Variants in CDC27 observed in about 807,000 individuals in gnomAD.
The protein encoded by CDC27 is cell division cycle 27.
A neutral mutation model predicts 109.7 loss-of-function variants in CDC27; 27 were observed. The observed-to-expected ratio is 0.25, with a 90% CI of 0.18 to 0.34. CDC27 has a LOEUF of 0.34. Among genes scored for constraint, CDC27 ranks in the 10% least tolerant of loss-of-function variants. The probability of loss-of-function intolerance (pLI) is 1.00; values close to 1 mark genes in which losing one functional copy is unlikely to be tolerated. For synonymous variants in CDC27, 266 were observed against 333.9 expected (o/e 0.80, Z 2.22); for missense variants, 579 against 960.2 (o/e 0.60, Z 5.25).
chr17:47,159,723 C>T (rs1567691041), intron 4 of CDC27: 1 of 413,414 alleles, frequency 2.4e-6, no homozygotes, highest in Non-Finnish European at 4.6e-6. Flanking sequence ...CCCTGGCTGG[C>T]ACGGGTCTGC....
Position 47,124,099 on chromosome 17 carries a change from T to A in CDC27, c.2161-139A>T, listed in dbSNP as rs1832243701. 3 of 574,686 alleles carry A rather than the reference T, an allele frequency of 5.2e-6. No individual in the cohort carries two copies. In the South Asian group the frequency reaches 6.7e-5, roughly 13 times the overall value. 35.6% of individuals were successfully genotyped at this position (574,686 alleles called of 1,614,324 possible). On this transcript the variant is annotated intron_variant, in intron 16 of 18. Coordinates refer to ENST00000066544, the MANE Select transcript of CDC27 (RefSeq NM_001256.6). ...TCAATATACTTCCTTATTGTATTAG[T>A]TCTTATTGCTGTGAAAATAAAATGC...
chr17:47,137,646 C>T (rs2062658936), intron 13 of CDC27, among the ~76,000 whole-genome samples: 1 of 152,150 alleles, frequency 6.6e-6, no homozygotes, highest in Non-Finnish European at 1.5e-5. Flanking sequence ...TGTTTTAGCT[C>T]TCATGCAGAG....
intron 2 of CDC27, among the ~76,000 whole-genome samples, chr17:47,174,613 T>C (rs1425843587): frequency 6.6e-6 from 1 of 152,204 alleles, no homozygotes; most frequent in Non-Finnish European, 1.5e-5. Context: ...AGTTAAATTA[T>C]GCTATGTCCA....
At chr17:47,125,966 A>T (rs2062127884) in intron 16 of CDC27, among the ~76,000 whole-genome samples, 1 of 152,210 alleles carries the variant, frequency 6.6e-6, no homozygotes, top group Non-Finnish European at 1.5e-5. Flanking sequence ...TCAACATTTC[A>T]TGCAACCAGC....
chr17:47,132,101 T>G (rs1233809346), intron 15 of CDC27, among the ~76,000 whole-genome samples, 156 bp downstream of exon 15: 1 of 151,736 alleles, frequency 6.6e-6, no homozygotes, highest in Non-Finnish European at 1.5e-5. Flanking sequence ...TGATTTTTTA[T>G]GCTAAGCCAA....
intron 14 of CDC27, among the ~76,000 whole-genome samples, chr17:47,133,026 T>TACACACACACAC (rs1401784751): frequency 9.3e-5 from 3 of 32,366 alleles, no homozygotes; most frequent in African/African-American, 3.4e-4. Flanking sequence ...TATATATATA[T>TACACACACACAC]ATACACACAC....
In CDC27 at chr17:47,188,717, TA is replaced by T. The variant is rs897753015; in HGVS notation, c.27+428del. 5.1e-5 allele frequency: 51 copies of T among 1,001,704 alleles called. No individual in the cohort carries two copies. In the Middle Eastern group the frequency reaches 1.5e-3, roughly 29 times the overall value. The allele number at this position is 1,001,704 out of a possible 1,614,324, so 62.1% of individuals were successfully genotyped here. ...CTCCACCCTCTCATACAAGACAAAATAAAAAAAACCTCCGTAAACTTGCCCT... is the reference window on the plus strand; with the variant it reads ...CTCCACCCTCTCATACAAGACAAAATAAAAAAACCTCCGTAAACTTGCCCT... On this transcript the variant is annotated intron_variant, in intron 1 of 18. Coordinates refer to ENST00000066544, the MANE Select transcript of CDC27 (RefSeq NM_001256.6).
chr17:47,124,040 C>G, intron 16 of CDC27, 80 bp from the exon 17 acceptor site: 1 of 820,280 alleles, frequency 1.2e-6, no homozygotes, highest in Non-Finnish European at 1.9e-6. Flanking sequence ...TTTGATTTCC[C>G]AAATCATCTT....
At chr17:47,179,456 G>A (rs954344) in intron 2 of CDC27, among the ~76,000 whole-genome samples, 12,541 of 152,222 alleles carry the variant, frequency 0.082, 599 homozygotes, top group African/African-American at 0.12. Context: ...TTGGGAAAGC[G>A]GAATCAGACA....
At chr17:47,182,933 G>C (rs761170015) in intron 1 of CDC27, among the ~76,000 whole-genome samples, 2 of 151,840 alleles carry the variant, frequency 1.3e-5, no homozygotes, top group Non-Finnish European at 2.9e-5. Context: ...GGCTGAGCTG[G>C]GAAGACTGCT....
rs1201402490 is a variant in CDC27 at position 47,118,142 on chromosome 17, CAT to C, written c.*2791_*2792del. The C allele has an allele frequency of 1.3e-5, 2 of 152,100 alleles. No homozygotes were observed. Among genetic ancestry groups the C allele is most frequent in the Non-Finnish European group, 2.9e-5 (2 of 68,016 alleles). The allele number at this position is 152,100 out of a possible 1,614,324, so 9.4% of individuals were successfully genotyped here. On this transcript the variant is annotated 3_prime_UTR_variant, in exon 19 of 19. Coordinates refer to ENST00000066544, the MANE Select transcript of CDC27 (RefSeq NM_001256.6). ...GGTTTTCACAAAGAAAATGGGTCACCATATTTCTCAGTGAAGACTCATACTAT... is the reference window on the plus strand; with the variant it reads ...GGTTTTCACAAAGAAAATGGGTCACCATTTCTCAGTGAAGACTCATACTAT...
rs866370539 is a variant in CDC27 at position 47,157,097 on chromosome 17, A to C, written c.658T>G (p.Ser220Ala). Residue 220 changes from serine to alanine, a missense_variant, in exon 7 of 19, where the codon TCC (serine) becomes GCC (alanine). Ser to Ala is a moderately conservative substitution (Grantham distance 99, BLOSUM62 1). Coordinates refer to ENST00000066544, the MANE Select transcript of CDC27 (RefSeq NM_001256.6). ...GTATTCAAGGAGTACTTTGAATTGG[A>C]AGATTCTAAATTCAATCTGTTTAAT... ...IELNRLNLES[S>A]NSKYSLNTDS... The C allele has an allele frequency of 6.3e-7, 1 of 1,581,684 alleles. No homozygotes were observed. Among genetic ancestry groups the C allele is most frequent in the Non-Finnish European group, 8.6e-7 (1 of 1,163,458 alleles).
At chr17:47,166,763 T>G (rs1041708637) in intron 4 of CDC27, among the ~76,000 whole-genome samples, 1 of 152,206 alleles carries the variant, frequency 6.6e-6, no homozygotes, top group African/African-American at 2.4e-5. Context: ...AACATCATAG[T>G]TTTTAATATG....
intron 12 of CDC27, among the ~76,000 whole-genome samples, chr17:47,140,368 C>T (rs746035268): frequency 1.4e-4 from 22 of 152,180 alleles, no homozygotes; most frequent in Non-Finnish European, 2.9e-4. Context: ...CCTTCCTTGG[C>T]CTCCCAAAGT....
intron 4 of CDC27, among the ~76,000 whole-genome samples, chr17:47,162,570 A>T (rs1598531038): frequency 6.6e-6 from 1 of 152,236 alleles, no homozygotes; most frequent in Non-Finnish European, 1.5e-5. Context: ...AAGTTGCATT[A>T]GTGAACTGTA....
Position 47,159,536 on chromosome 17 carries a change from G to A in CDC27, c.378-1233C>T, listed in dbSNP as rs565029261. The A allele has an allele frequency of 7.8e-6, 4 of 511,150 alleles. No homozygotes were observed. In the East Asian group the frequency reaches 1.4e-4, roughly 18 times the overall value. The allele number at this position is 511,150 out of a possible 1,614,324, so 31.7% of individuals were successfully genotyped here. On this transcript the variant is annotated intron_variant, in intron 4 of 18. Coordinates refer to ENST00000066544, the MANE Select transcript of CDC27 (RefSeq NM_001256.6). ...GTGGCCTGTCACCTTGCAAGGGACG[G>A]CGTAGGGCTTGCCAATCTTGTTCCC...
rs1006735569 is a variant in CDC27, at chr17:47,129,453, G to A, written c.2100C>T (p.Pro700=). 1 of 1,610,046 alleles carries A rather than the reference G, an allele frequency of 6.2e-7. No individual in the cohort carries two copies. The highest frequency in any genetic ancestry group is 8.5e-7 in the Non-Finnish European group (1 of 1,176,660). ...TGTGAAATTTGCATAGAGGGTTCTT[G>A]GGATCAATGACAATGGCTTTGTTTA... The part of the protein sequence containing the change: ...DTLNKAIVID[P]KNPLCKFHRA... Residue 700 remains proline, a synonymous_variant, in exon 16 of 19, where the codon CCC becomes CCT. Transcript: ENST00000066544.
At chr17:47,156,376 G>A (rs2063306244) in intron 7 of CDC27, among the ~76,000 whole-genome samples, 1 of 152,072 alleles carries the variant, frequency 6.6e-6, no homozygotes, top group African/African-American at 2.4e-5. Context: ...CTGACCTCGT[G>A]ATCTGCCCAC....
At chr17:47,147,428 C>CA (rs112729209) in intron 9 of CDC27, among the ~76,000 whole-genome samples, 32,499 of 134,278 alleles carry the variant, frequency 0.24, 3,858 homozygotes, top group Admixed American at 0.32. Flanking sequence ...AACAAACAAA[C>CA]AAAAAAAAAA....
Sources: gnomAD v4.1 joint callset for allele counts (sites outside exome capture counted in the v4.1 genomes callset) on GRCh38, gnomAD v4.1.1 for gene constraint, MANE v1.5 for transcripts, NCBI Gene and HGNC (gene_info 2026-07-23, HGNC 2026-07-21) for gene names.